SCHIP1: variants seen among roughly 807,000 people sequenced by gnomAD.
SCHIP1 encodes the protein schwannomin-interacting protein 1.
A neutral mutation model predicts 29.7 loss-of-function variants in SCHIP1; 8 were observed. That is an observed-to-expected ratio of 0.27 (90% CI 0.16 to 0.49). The LOEUF (loss-of-function observed/expected upper bound fraction) is 0.49, where lower values mean the gene tolerates loss of function less well. Ranked by LOEUF, SCHIP1 falls within the 20% of genes least tolerant of loss-of-function variation. The probability of loss-of-function intolerance (pLI) is 0.99; values close to 1 mark genes in which losing one functional copy is unlikely to be tolerated. For synonymous variants in SCHIP1, 76 were observed against 94.9 expected (o/e 0.80, Z 1.16); for missense variants, 193 against 294.6 (o/e 0.66, Z 2.52).
At chr3:159,675,455 G>C in the SCHIP1 span, among the ~76,000 whole-genome samples, 1 of 152,190 alleles carries the variant, frequency 6.6e-6, no homozygotes, top group Admixed American at 6.5e-5. Context: ...TCAAATCATG[G>C]TCTTTGTTTT....
At chr3:159,785,658 G>T in the SCHIP1 span, among the ~76,000 whole-genome samples, 1 of 150,610 alleles carries the variant, frequency 6.6e-6, no homozygotes, top group East Asian at 2.0e-4. Flanking sequence ...TTCAAGTGTT[G>T]CAATAGAAGT....
At chr3:159,568,907 A>C in the SCHIP1 span, among the ~76,000 whole-genome samples, 6 of 152,204 alleles carry the variant, frequency 3.9e-5, no homozygotes, top group Admixed American at 3.9e-4. Context: ...GACATATACA[A>C]GTTAGAAATG....
the SCHIP1 span, among the ~76,000 whole-genome samples, chr3:159,812,562 C>T: frequency 2.0e-5 from 3 of 152,182 alleles, no homozygotes; most frequent in Non-Finnish European, 2.9e-5. Flanking sequence ...CTTGTCCTTA[C>T]AGTCAGTACC....
At chr3:159,689,108 A>T in the SCHIP1 span, among the ~76,000 whole-genome samples, 3 of 152,186 alleles carry the variant, frequency 2.0e-5, no homozygotes, top group Non-Finnish European at 4.4e-5. Flanking sequence ...TATGAAATTT[A>T]AAGTAGTTTT....
the SCHIP1 span, among the ~76,000 whole-genome samples, chr3:159,642,068 G>A: frequency 1.3e-5 from 2 of 152,090 alleles, no homozygotes; most frequent in Non-Finnish European, 2.9e-5. Context: ...TATGGACTCT[G>A]TGATCAGTGA....
At chr3:159,858,022 A>T (rs1056552206) in intron 1 of SCHIP1, among the ~76,000 whole-genome samples, 1 of 152,066 alleles carries the variant, frequency 6.6e-6, no homozygotes, top group Non-Finnish European at 1.5e-5. Flanking sequence ...GAGGTTGAGG[A>T]CACCAGCTTC....
At chr3:159,313,897 G>T in the SCHIP1 span, among the ~76,000 whole-genome samples, 3 of 152,108 alleles carry the variant, frequency 2.0e-5, no homozygotes, top group Admixed American at 1.3e-4. Flanking sequence ...ATTTTGGTTT[G>T]CCTGATGTTT....
chr3:159,496,327 A>C, the SCHIP1 span, among the ~76,000 whole-genome samples: 1 of 152,062 alleles, frequency 6.6e-6, no homozygotes, highest in South Asian at 2.1e-4. Flanking sequence ...AACCTACGAA[A>C]TGGGAGAAAA....
chr3:159,759,071 A>AT, the SCHIP1 span, among the ~76,000 whole-genome samples: 1 of 152,130 alleles, frequency 6.6e-6, no homozygotes, highest in Non-Finnish European at 1.5e-5. Context: ...TTGCCATTTC[A>AT]TTTTTTTAAT....
the SCHIP1 span, among the ~76,000 whole-genome samples, chr3:159,601,741 G>A: frequency 6.6e-6 from 1 of 152,166 alleles, no homozygotes; most frequent in African/African-American, 2.4e-5. Context: ...GATGCCTTTT[G>A]GTGCATTGCA....
chr3:159,853,445 G>T (rs760928381), intron 1 of SCHIP1: 21 of 696,850 alleles, frequency 3.0e-5, no homozygotes, highest in Non-Finnish European at 5.5e-5. Context: ...ATATGGAGGG[G>T]AATTATAAAA....
At chr3:159,696,522 C>T in the SCHIP1 span, among the ~76,000 whole-genome samples, 1 of 152,252 alleles carries the variant, frequency 6.6e-6, no homozygotes, top group Non-Finnish European at 1.5e-5. Flanking sequence ...TCTACTAGAG[C>T]ACTTGCCATA....
chr3:159,714,404 G>C, the SCHIP1 span, among the ~76,000 whole-genome samples: 1 of 152,190 alleles, frequency 6.6e-6, no homozygotes, highest in Admixed American at 6.5e-5. Context: ...AGGACAGTGG[G>C]TGCAGCCCAC....
chr3:159,596,457 C>T, the SCHIP1 span, among the ~76,000 whole-genome samples: 2 of 152,010 alleles, frequency 1.3e-5, no homozygotes, highest in Non-Finnish European at 2.9e-5. Context: ...AGGCATATAC[C>T]CAAAGGATTA....
At chr3:159,709,111 G>A in the SCHIP1 span, among the ~76,000 whole-genome samples, 1 of 151,942 alleles carries the variant, frequency 6.6e-6, no homozygotes, top group South Asian at 2.1e-4. Flanking sequence ...GTACTTACTG[G>A]TGATGAACAT....
At chr3:159,687,482 G>C in the SCHIP1 span, among the ~76,000 whole-genome samples, 12 of 151,868 alleles carry the variant, frequency 7.9e-5, no homozygotes, top group Admixed American at 7.2e-4. Flanking sequence ...TGATATTCAA[G>C]GTTTTGGAAC....
the SCHIP1 span, among the ~76,000 whole-genome samples, chr3:159,777,133 T>C: frequency 6.6e-6 from 1 of 152,248 alleles, no homozygotes. Context: ...TAAACATACA[T>C]ATACATTTGT....
the SCHIP1 span, among the ~76,000 whole-genome samples, chr3:159,688,760 G>C: frequency 1.3e-5 from 2 of 152,146 alleles, no homozygotes; most frequent in Admixed American, 6.5e-5. Context: ...AATCCATCTT[G>C]AGTTGATTTT....
At chr3:159,677,521 T>G in the SCHIP1 span, among the ~76,000 whole-genome samples, 1 of 152,222 alleles carries the variant, frequency 6.6e-6, no homozygotes, top group Admixed American at 6.5e-5. Flanking sequence ...ATCCTAAATT[T>G]AAACCTAATC....
Sources: allele counts gnomAD v4.1 joint callset (sites outside exome capture counted in the v4.1 genomes callset), GRCh38; gene constraint gnomAD v4.1.1; transcripts MANE v1.5; gene names NCBI Gene and HGNC (gene_info 2026-07-23, HGNC 2026-07-21).